The following A1CF variants were observed in gnomAD, a reference collection of about 807,000 sequenced individuals.
A1CF encodes the protein APOBEC-1 stimulating protein.
A1CF carries 48 observed loss-of-function variants against 68.9 expected under a neutral mutation model. The observed-to-expected ratio is 0.70, with a 90% CI of 0.55 to 0.89. The LOEUF (loss-of-function observed/expected upper bound fraction) is 0.89. Among genes scored for constraint, A1CF ranks in the 40% least tolerant of loss-of-function variants. The probability of loss-of-function intolerance (pLI) is 0.00; values close to 1 mark genes in which losing one functional copy is unlikely to be tolerated. For missense variants in A1CF, 653 were observed against 718.9 expected, an observed-to-expected ratio of 0.91 and a Z score of 1.05; for synonymous variants, 272 against 260.4, an observed-to-expected ratio of 1.04 and a Z score of -0.43.
rs750933853 is a variant in A1CF at position 50,828,213 on chromosome 10, T to G, written c.687A>C (p.Ser229=). Residue 229 remains serine, a synonymous_variant, in exon 7 of 13, where the codon TCA becomes TCC. Transcript: ENST00000373997. ...GATTTCTTACATATAGGATTTTCAC[T>G]GAAGACATTGTATCTTCATCAACTT... ...EVEVDEDTMS[S]VKILYVRNLM... 1.2e-6 allele frequency: 2 copies of G among 1,609,554 alleles called. No individual in the cohort carries two copies. The highest frequency in any genetic ancestry group is 4.5e-5 in the East Asian group (2 of 44,808).
chr10:50,809,985 T>A lies in A1CF; in HGVS notation c.1518A>T (p.Ala506=). The change falls in exon 12 of 13, where the codon GCA becomes GCT. Residue 506 remains alanine, a synonymous_variant. Coordinates refer to ENST00000373997, the MANE Select transcript of A1CF (RefSeq NM_014576.4). ...CCAGGGTCTGCAGGGTGTATTCGGC[T>A]GCATACGTCTTTGCTTCATCCACAA... is the stretch of plus-strand genomic sequence containing the variant. ...SAFVDEAKTY[A]AEYTLQTLGI... The A allele has an allele frequency of 6.2e-7, 1 of 1,614,050 alleles. No homozygotes were observed. The highest frequency in any genetic ancestry group is 8.5e-7 in the Non-Finnish European group (1 of 1,179,938).
At chr10:50,872,704 T>C (rs1481372884) in intron 1 of A1CF, among the ~76,000 whole-genome samples, 1 of 152,002 alleles carries the variant, frequency 6.6e-6, no homozygotes, top group Non-Finnish European at 1.5e-5. Context: ...AAGTGAGCTA[T>C]TGTAATAGCT....
intron 3 of A1CF, among the ~76,000 whole-genome samples, chr10:50,856,178 G>A (rs1203011629): frequency 3.3e-5 from 5 of 151,916 alleles, no homozygotes; most frequent in African/African-American, 7.2e-5. Context: ...TGGGTATTGC[G>A]TACCTGATCT....
chr10:50,872,946 C>CT (rs34770362), intron 1 of A1CF, among the ~76,000 whole-genome samples: 4,473 of 67,296 alleles, frequency 0.066, 1,234 homozygotes, highest in Non-Finnish European at 0.079. Context: ...ATTTAAGTTC[C>CT]TTTTTTTTTT....
At chr10:50,846,106 C>T (rs556283374) in intron 3 of A1CF, among the ~76,000 whole-genome samples, 2 of 152,166 alleles carry the variant, frequency 1.3e-5, no homozygotes, top group African/African-American at 4.8e-5. Context: ...ACCCCAAAAT[C>T]CAAAATTCAA....
chr10:50,832,622 G>A (rs1318121748), intron 6 of A1CF, among the ~76,000 whole-genome samples: 1 of 152,180 alleles, frequency 6.6e-6, no homozygotes, highest in African/African-American at 2.4e-5. Context: ...GCATGAGCTA[G>A]AAGTAAGACA....
At chr10:50,848,322 A>T (rs1840088670) in intron 3 of A1CF, among the ~76,000 whole-genome samples, 1 of 152,226 alleles carries the variant, frequency 6.6e-6, no homozygotes, top group African/African-American at 2.4e-5. Flanking sequence ...ACACTGGTTT[A>T]ATTTATTGTA....
chr10:50,851,644 C>G (rs571742607), intron 3 of A1CF, among the ~76,000 whole-genome samples: 1 of 152,138 alleles, frequency 6.6e-6, no homozygotes, highest in South Asian at 2.1e-4. Context: ...GTTCTGCTCT[C>G]GGGACTTAAA....
intron 3 of A1CF, chr10:50,850,852 C>A (rs1027413169): frequency 1.3e-6 from 2 of 1,550,958 alleles, no homozygotes; most frequent in South Asian, 1.2e-5. Flanking sequence ...TTCCTTAATC[C>A]GTTTGGAGCT....
At chr10:50,847,913 T>C (rs1300209760) in intron 3 of A1CF, among the ~76,000 whole-genome samples, 1 of 152,194 alleles carries the variant, frequency 6.6e-6, no homozygotes, top group Non-Finnish European at 1.5e-5. Context: ...TACCCTTGAA[T>C]TGGATTCTCC....
intron 5 of A1CF, among the ~76,000 whole-genome samples, chr10:50,837,671 T>C (rs568452619): frequency 6.6e-6 from 1 of 152,346 alleles, no homozygotes; most frequent in Admixed American, 6.5e-5. Flanking sequence ...TACATGCCAA[T>C]AGTGACCAAT....
At chr10:50,847,431 A>G (rs1172579683) in intron 3 of A1CF, among the ~76,000 whole-genome samples, 3 of 152,152 alleles carry the variant, frequency 2.0e-5, no homozygotes, top group Non-Finnish European at 4.4e-5. Context: ...ATTTCCTCCT[A>G]TCACAGATAT....
intron 1 of A1CF, among the ~76,000 whole-genome samples, chr10:50,869,780 T>C (rs1392689745): frequency 1.3e-5 from 2 of 152,080 alleles, no homozygotes; most frequent in South Asian, 2.1e-4. Context: ...TGTATTAATT[T>C]TTATATTCAA....
At position 50,828,285 on chromosome 10, in the gene A1CF, C is replaced by T. The variant is rs146662131; in HGVS notation, c.615G>A (p.Gln205=). Residue 205 remains glutamine (Q), a synonymous_variant, in exon 7 of 13, where the codon CAG becomes CAA. Transcript: ENST00000373997. ...CTACTGCAATACCATGTCCCCATAA[C>T]TGAATTCTTCCTGTTGAAAATGATC... is the stretch of plus-strand genomic sequence containing the variant. The part of the protein sequence containing the change: ...ARRKLLPGRI[Q]LWGHGIAVDW... The T allele has an allele frequency of 1.2e-4, 184 of 1,548,986 alleles. 3 individuals carry two copies. The Middle Eastern group carries it at 1.6e-3, about 13-fold the overall frequency.
At chr10:50,871,804 A>C (rs947763863) in intron 1 of A1CF, among the ~76,000 whole-genome samples, 1 of 152,130 alleles carries the variant, frequency 6.6e-6, no homozygotes, top group African/African-American at 2.4e-5. Flanking sequence ...CTTTAAAAAC[A>C]TTGTGTAACT....
chr10:50,877,445 T>C (rs1841564510), intron 1 of A1CF, among the ~76,000 whole-genome samples: 1 of 152,192 alleles, frequency 6.6e-6, no homozygotes, highest in Non-Finnish European at 1.5e-5. Context: ...AACTCAATTT[T>C]CACCAAGTCT....
At chr10:50,840,647 C>G (rs1025592601) in intron 5 of A1CF, among the ~76,000 whole-genome samples, 6 of 152,196 alleles carry the variant, frequency 3.9e-5, no homozygotes, top group Admixed American at 2.0e-4. Context: ...ACATGGGACT[C>G]TCCCCTAGTC....
intron 5 of A1CF, among the ~76,000 whole-genome samples, 162 bp from the exon 6 acceptor site, chr10:50,836,474 A>T (rs945947033): frequency 3.3e-5 from 5 of 152,124 alleles, no homozygotes; most frequent in Non-Finnish European, 7.4e-5. Context: ...AGATTATTAG[A>T]TGTGTCAACA....
rs16909555 is a variant in A1CF, at chr10:50,819,781, G to C, written c.867+771C>G. 7.6e-3 allele frequency among the ~76,000 whole-genome samples: 1,156 copies of C among 151,960 alleles called. 13 individuals carry two copies. Among genetic ancestry groups the C allele is most frequent in the African/African-American group, 0.025 (1,046 of 41,412 alleles). On this transcript the variant is annotated intron_variant, in intron 8 of 12. Transcript: ENST00000373997. ...ATTTTTGAAATTATACCCAATTTTC[G>C]TGGCTTCTCTTAAATATTATCTTCT...
Sources: gnomAD v4.1 joint callset for allele counts (sites outside exome capture counted in the v4.1 genomes callset) on GRCh38, gnomAD v4.1.1 for gene constraint, MANE v1.5 for transcripts, NCBI Gene and HGNC (gene_info 2026-07-23, HGNC 2026-07-21) for gene names.